The following LSMEM2 variants were observed in gnomAD, a reference collection of about 807,000 sequenced individuals.
The protein encoded by LSMEM2 is leucine-rich single-pass membrane protein 2.
LSMEM2 carries 20 observed loss-of-function variants against 17.3 expected under a neutral mutation model. The observed-to-expected ratio is 1.16, with a 90% CI of 0.81 to 1.68. LSMEM2 has a LOEUF of 1.68. Ranked by LOEUF, LSMEM2 falls within the 40% of genes most tolerant of loss-of-function variation. The pLI is 0.00. For missense variants in LSMEM2, 207 were observed against 214.3 expected (o/e 0.97, Z 0.21); for synonymous variants, 94 against 97.8 (o/e 0.96, Z 0.23).
At chr3:50,286,378 T>TA in intron 1 of LSMEM2, 93 bp from the exon 2 acceptor site, 1 of 1,475,176 alleles carries the variant, frequency 6.8e-7, no homozygotes, top group African/African-American at 1.4e-5. Context: ...CCACTATCCC[T>TA]ATCATCCGCA....
Position 50,288,023 on chromosome 3 carries a change from C to T in LSMEM2, c.*821C>T. The T allele has an allele frequency of 3.2e-6, 2 of 633,470 alleles. No individual in the cohort carries two copies. Among genetic ancestry groups the T allele is most frequent in the East Asian group, 2.8e-5 (1 of 36,070 alleles). 39.2% of individuals were successfully genotyped at this position (633,470 alleles called of 1,614,324 possible). On this transcript the variant is annotated 3_prime_UTR_variant, in exon 4 of 4. Transcript: ENST00000316436. Reference sequence around the variant, plus strand: ...GGGCTGAGTGCAGGGACAAAGGGGTCAGGGTCCCAAGTGTCCGGGCCCCCA... The same window carrying T: ...GGGCTGAGTGCAGGGACAAAGGGGTTAGGGTCCCAAGTGTCCGGGCCCCCA...
intron 1 of LSMEM2, among the ~76,000 whole-genome samples, chr3:50,286,078 T>A (rs1269416028): frequency 6.6e-6 from 1 of 152,120 alleles, no homozygotes; most frequent in African/African-American, 2.4e-5. Context: ...GTGGCTACAA[T>A]AGGGCTTTCT....
chr3:50,280,714 C>T (rs1553707656), intron 1 of LSMEM2, among the ~76,000 whole-genome samples: 1 of 151,946 alleles, frequency 6.6e-6, no homozygotes, highest in East Asian at 1.9e-4. Context: ...CTGCCTCAGC[C>T]TCCTGAGTAG....
intron 1 of LSMEM2, among the ~76,000 whole-genome samples, chr3:50,285,756 G>A (rs1352669794): frequency 1.3e-5 from 2 of 152,140 alleles, no homozygotes; most frequent in Non-Finnish European, 2.9e-5. Flanking sequence ...GATGTCCTGG[G>A]GGTTAATTTC....
upstream of LSMEM2, chr3:50,279,076 AAGG>A: frequency 1.2e-6 from 2 of 1,610,698 alleles, no homozygotes; most frequent in Non-Finnish European, 1.7e-6. Flanking sequence ...TGGGCTCACA[AAGG>A]AGCCACTGCT....
chr3:50,284,773 C>T (rs1191513207), intron 1 of LSMEM2, among the ~76,000 whole-genome samples: 2 of 152,040 alleles, frequency 1.3e-5, no homozygotes, highest in African/African-American at 2.4e-5. Flanking sequence ...CGATGGCTCA[C>T]GCCTGTAATC....
chr3:50,279,141 C>T lies in LSMEM2; in HGVS notation c.28C>T (p.Leu10=). MPSLAPDCP[L]LAMPEETQED... ...GCCATCATTGGCCCCCGACTGCCCA[C>T]TGCTTGCCATGCCTGAGGAGACCCA... The change falls in exon 1 of 4, where the codon CTG becomes TTG. Residue 10 remains leucine (L), a synonymous_variant. Coordinates refer to ENST00000316436, the MANE Select transcript of LSMEM2 (RefSeq NM_153215.3). 6.2e-7 allele frequency: 1 copy of T among 1,614,218 alleles called. No individual in the cohort carries two copies. Among genetic ancestry groups the T allele is most frequent in the South Asian group, 1.1e-5 (1 of 91,086 alleles).
chr3:50,282,611 A>T (rs1553707901), intron 1 of LSMEM2, among the ~76,000 whole-genome samples: 1 of 152,212 alleles, frequency 6.6e-6, no homozygotes. Context: ...TTGGCCAGGT[A>T]CGGTGGCTCA....
intron 1 of LSMEM2, among the ~76,000 whole-genome samples, chr3:50,281,985 T>C (rs1701411610): frequency 1.3e-5 from 2 of 152,160 alleles, no homozygotes; most frequent in South Asian, 4.1e-4. Context: ...CCTGAGTAGC[T>C]GGGACTACAG....
intron 1 of LSMEM2, among the ~76,000 whole-genome samples, chr3:50,283,142 G>C (rs1294541874): frequency 6.6e-6 from 1 of 151,980 alleles, no homozygotes; most frequent in Non-Finnish European, 1.5e-5. Context: ...CTGAGATTGC[G>C]CCACTGCACT....
In LSMEM2 at chr3:50,279,103, C is replaced by A. The variant is rs1553707465; in HGVS notation, c.-11C>A. On this transcript the variant is annotated 5_prime_UTR_variant, in exon 1 of 4. Transcript: ENST00000316436. The stretch of plus-strand genomic sequence containing the variant: ...GGAGCCACTGCTGCATTTGTCCAGT[C>A]CTGCTACTGGATGCCATCATTGGCC... 1.9e-6 allele frequency: 3 copies of A among 1,613,930 alleles called. No homozygotes were observed. Among genetic ancestry groups the A allele is most frequent in the Non-Finnish European group, 2.5e-6 (3 of 1,179,900 alleles).
chr3:50,281,406 C>T (rs1284517217), intron 1 of LSMEM2, among the ~76,000 whole-genome samples: 2 of 115,870 alleles, frequency 1.7e-5, no homozygotes, highest in Admixed American at 1.8e-4. Flanking sequence ...TCTGTCGCCC[C>T]GGGTGGAGTG....
At chr3:50,280,313 C>A (rs1701363272) in intron 1 of LSMEM2, among the ~76,000 whole-genome samples, 1 of 151,514 alleles carries the variant, frequency 6.6e-6, no homozygotes, top group South Asian at 2.1e-4. Context: ...TGCTACCATG[C>A]CCGGCTAATT....
rs145565863 is a variant in LSMEM2 at position 50,286,402 on chromosome 3, T to C, written c.59-69T>C. The C allele has an allele frequency of 1.1e-3, 1,602 of 1,508,964 alleles. 14 individuals carry two copies. The African/African-American group carries it at 0.02, about 19-fold the overall frequency. 93.5% of individuals were successfully genotyped at this position (1,508,964 alleles called of 1,614,324 possible). A position where few individuals can be genotyped will look rare whatever the true frequency, so the allele number is the denominator to read the frequency against. On this transcript the variant is annotated intron_variant, in intron 1 of 3. Coordinates refer to ENST00000316436, the MANE Select transcript of LSMEM2 (RefSeq NM_153215.3). ...CTATCATCCGCAAGTCCTTGCTGCC[T>C]GAAGCCACCTGGTAGAAGGAAGGGG...
Position 50,287,376 on chromosome 3 carries a change from C to T in LSMEM2, c.*174C>T, listed in dbSNP as rs1701575702. 2 of 887,822 alleles carry T rather than the reference C, an allele frequency of 2.3e-6. 1 individual carries two copies. Among genetic ancestry groups the T allele is most frequent in the East Asian group, 5.4e-5 (2 of 37,026 alleles). 55.0% of individuals were successfully genotyped at this position (887,822 alleles called of 1,614,324 possible). On this transcript the variant is annotated 3_prime_UTR_variant, in exon 4 of 4. Coordinates refer to ENST00000316436, the MANE Select transcript of LSMEM2 (RefSeq NM_153215.3). The stretch of plus-strand genomic sequence containing the variant: ...GGCTGCCTCCCTCTCCTGATCTCTT[C>T]AAGCCAGGCCTAGCCAAGCCTCTGG...
chr3:50,286,289 T>C (rs1219380452), intron 1 of LSMEM2, 182 bp from the exon 2 acceptor site: 1 of 445,838 alleles, frequency 2.2e-6, no homozygotes, highest in African/African-American at 2.1e-5. Flanking sequence ...AGAATAAGCC[T>C]GTAAGGGTCT....
chr3:50,280,512 ATG>A (rs1254174132), intron 1 of LSMEM2, among the ~76,000 whole-genome samples: 1 of 151,342 alleles, frequency 6.6e-6, no homozygotes, highest in African/African-American at 2.4e-5. Flanking sequence ...ACTTTCATGC[ATG>A]TGTGTGTGTA....
upstream of LSMEM2, chr3:50,278,898 T>G (rs1701330720): frequency 3.5e-6 from 2 of 577,406 alleles, no homozygotes; most frequent in Non-Finnish European, 6.3e-6. Flanking sequence ...CCTGGACTAG[T>G]GGAGGCAGGC....
intron 1 of LSMEM2, among the ~76,000 whole-genome samples, chr3:50,281,937 CG>C (rs1305523006): frequency 1.3e-5 from 2 of 151,872 alleles, no homozygotes; most frequent in African/African-American, 4.8e-5. Context: ...CTGCAAGCTC[CG>C]CCTCCTGGGT....
Sources: allele counts gnomAD v4.1 joint callset (sites outside exome capture counted in the v4.1 genomes callset), GRCh38; gene constraint gnomAD v4.1.1; transcripts MANE v1.5; gene names NCBI Gene and HGNC (gene_info 2026-07-23, HGNC 2026-07-21).